PDE4D: variants seen among roughly 807,000 people sequenced by gnomAD.
PDE4D encodes the protein phosphodiesterase 4D.
PDE4D carries 24 observed loss-of-function variants against 87.4 expected under a neutral mutation model. That is an observed-to-expected ratio of 0.27 (90% CI 0.20 to 0.39). The LOEUF (loss-of-function observed/expected upper bound fraction) is 0.39. Among genes scored for constraint, PDE4D ranks in the 10% least tolerant of loss-of-function variants. The pLI, the probability that PDE4D is intolerant of heterozygous loss-of-function variation, is 1.00. For synonymous variants in PDE4D, 384 were observed against 383.2 expected (o/e 1.00, Z -0.02); for missense variants, 714 against 1,041.0 (o/e 0.69, Z 4.32).
intron 1 of PDE4D, among the ~76,000 whole-genome samples, chr5:60,452,048 T>C (rs1746136997): frequency 6.6e-6 from 1 of 152,162 alleles, no homozygotes; most frequent in African/African-American, 2.4e-5. Flanking sequence ...AAGGGATGGT[T>C]CAATTAACAG....
intron 1 of PDE4D, among the ~76,000 whole-genome samples, chr5:60,373,567 C>T (rs973502004): frequency 6.6e-6 from 1 of 152,190 alleles, no homozygotes; most frequent in African/African-American, 2.4e-5. Flanking sequence ...CAGATTCTTA[C>T]AGCTTACAAC....
chr5:59,459,480 T>C (rs1331471420), intron 1 of PDE4D, among the ~76,000 whole-genome samples: 1 of 152,164 alleles, frequency 6.6e-6, no homozygotes, highest in African/African-American at 2.4e-5. Flanking sequence ...TTTAATAGAA[T>C]CAAAATCTCT....
chr5:59,170,855 A>G (rs1003021828), intron 5 of PDE4D, among the ~76,000 whole-genome samples: 2 of 151,818 alleles, frequency 1.3e-5, no homozygotes, highest in African/African-American at 4.8e-5. Flanking sequence ...ACAGTGCTGT[A>G]ATGAACATGT....
At chr5:59,289,656 G>C (rs1343251338) in intron 1 of PDE4D, among the ~76,000 whole-genome samples, 5 of 151,846 alleles carry the variant, frequency 3.3e-5, no homozygotes, top group African/African-American at 1.2e-4. Context: ...TTCACCACTA[G>C]TATTCAATAT....
chr5:59,426,528 A>G (rs1420104670), intron 1 of PDE4D, among the ~76,000 whole-genome samples: 1 of 152,130 alleles, frequency 6.6e-6, no homozygotes, highest in Non-Finnish European at 1.5e-5. Flanking sequence ...CTGCATCACC[A>G]GAAAGAGGGA....
intron 1 of PDE4D, among the ~76,000 whole-genome samples, chr5:59,298,162 G>A (rs1769466813): frequency 6.9e-6 from 1 of 145,676 alleles, no homozygotes; most frequent in African/African-American, 2.5e-5. Context: ...TGTTGTCTAG[G>A]TTGGAGTGCA....
intron 1 of PDE4D, among the ~76,000 whole-genome samples, chr5:59,387,998 G>A (rs1249901739): frequency 2.6e-5 from 4 of 151,994 alleles, no homozygotes; most frequent in Non-Finnish European, 5.9e-5. Context: ...CTGTTTCTAT[G>A]AGTTTGACAT....
intron 1 of PDE4D, among the ~76,000 whole-genome samples, chr5:59,740,900 A>T (rs1293795187): frequency 6.6e-6 from 1 of 152,208 alleles, no homozygotes; most frequent in African/African-American, 2.4e-5. Flanking sequence ...CTATTAATTC[A>T]TTTCTACATA....
At chr5:59,634,703 A>T (rs537426126) in intron 1 of PDE4D, among the ~76,000 whole-genome samples, 2 of 152,212 alleles carry the variant, frequency 1.3e-5, no homozygotes, top group African/African-American at 2.4e-5. Flanking sequence ...ACAAACATAC[A>T]ATGTACCAGA....
intron 1 of PDE4D, among the ~76,000 whole-genome samples, chr5:59,388,274 A>G (rs1346174668): frequency 6.6e-6 from 1 of 152,126 alleles, no homozygotes; most frequent in African/African-American, 2.4e-5. Context: ...ATCACTTAAT[A>G]ATCAAGGAAA....
At chr5:59,586,449 C>A in intron 1 of PDE4D, 1 of 1,545,426 alleles carries the variant, frequency 6.5e-7, no homozygotes. Context: ...AGATGAATTC[C>A]AACTCTCTTG....
chr5:60,491,817 ATTG>A (rs112180116), upstream of PDE4D, among the ~76,000 whole-genome samples: 4,115 of 152,242 alleles, frequency 0.027, 180 homozygotes, highest in African/African-American at 0.093. Flanking sequence ...CTGACTCTTA[ATTG>A]TTAGACCCTG....
chr5:59,802,738 C>T (rs1228416373), intron 1 of PDE4D, among the ~76,000 whole-genome samples: 2 of 151,930 alleles, frequency 1.3e-5, no homozygotes, highest in African/African-American at 4.8e-5. Context: ...TTCATTTTAT[C>T]AGTATGTAAA....
At chr5:58,996,047 C>T (rs1380466761) in intron 6 of PDE4D, among the ~76,000 whole-genome samples, 1 of 152,086 alleles carries the variant, frequency 6.6e-6, no homozygotes, top group African/African-American at 2.4e-5. Context: ...AACAGAAAAC[C>T]AAACACCACA....
At chr5:59,787,600 AATGG>A (rs1345715327) in intron 1 of PDE4D, among the ~76,000 whole-genome samples, 1 of 152,218 alleles carries the variant, frequency 6.6e-6, no homozygotes, top group Non-Finnish European at 1.5e-5. Flanking sequence ...TGGACAGATA[AATGG>A]ATGGAATTAG....
intron 1 of PDE4D, among the ~76,000 whole-genome samples, chr5:59,407,080 T>C (rs1158057128): frequency 6.6e-6 from 1 of 152,174 alleles, no homozygotes; most frequent in East Asian, 1.9e-4. Flanking sequence ...TCCTTGAATG[T>C]CCCCTCCAAT....
intron 1 of PDE4D, among the ~76,000 whole-genome samples, chr5:59,223,162 A>G (rs1260639018): frequency 6.6e-6 from 1 of 152,180 alleles, no homozygotes; most frequent in Non-Finnish European, 1.5e-5. Context: ...ACCCAACTCC[A>G]TAATTCCAGT....
At chr5:59,781,077 A>T (rs1426203095) in intron 1 of PDE4D, among the ~76,000 whole-genome samples, 1 of 151,374 alleles carries the variant, frequency 6.6e-6, no homozygotes, top group Non-Finnish European at 1.5e-5. Flanking sequence ...GAGGCAGGAG[A>T]ATCGCTTGAA....
intron 1 of PDE4D, among the ~76,000 whole-genome samples, chr5:59,284,053 T>C (rs1264808532): frequency 2.0e-5 from 3 of 152,174 alleles, no homozygotes; most frequent in Non-Finnish European, 4.4e-5. Flanking sequence ...CAATCTGCAA[T>C]CCCTTGCTCT....
Sources: allele counts gnomAD v4.1 joint callset (sites outside exome capture counted in the v4.1 genomes callset), GRCh38; gene constraint gnomAD v4.1.1; transcripts MANE v1.5; gene names NCBI Gene and HGNC (gene_info 2026-07-23, HGNC 2026-07-21).